The following HEMK2 variants were observed in gnomAD, a reference collection of about 807,000 sequenced individuals.
HEMK2 encodes HemK methyltransferase 2, ETF1 glutamine and histone H4 lysine, also known as methyltransferase HEMK2.
chr21:28,650,583 A>C, the HEMK2 span, among the ~76,000 whole-genome samples: 8 of 152,102 alleles, frequency 5.3e-5, no homozygotes, highest in Non-Finnish European at 1.2e-4. Context: ...CAAATTGGGC[A>C]ATGGGGGAAT....
chr21:28,747,175 G>A, the HEMK2 span, among the ~76,000 whole-genome samples: 1 of 152,178 alleles, frequency 6.6e-6, no homozygotes, highest in South Asian at 2.1e-4. Flanking sequence ...TGAACTGAAA[G>A]TCATACTTAG....
chr21:28,735,823 C>T, the HEMK2 span, among the ~76,000 whole-genome samples: 1 of 152,164 alleles, frequency 6.6e-6, no homozygotes, highest in Non-Finnish European at 1.5e-5. Context: ...ATCTCTTTTG[C>T]TATATAACAT....
At chr21:28,691,710 T>TTAC in the HEMK2 span, among the ~76,000 whole-genome samples, 84,337 of 151,784 alleles carry the variant, frequency 0.56, 26,079 homozygotes, top group East Asian at 0.84. Context: ...GATAGTGATG[T>TTAC]TACGATTCAA....
At chr21:28,679,649 A>G in the HEMK2 span, among the ~76,000 whole-genome samples, 1 of 152,250 alleles carries the variant, frequency 6.6e-6, no homozygotes, top group South Asian at 2.1e-4. Context: ...CATAGTTGGA[A>G]GCAAAGCACT....
chr21:28,844,045 C>T, the HEMK2 span, among the ~76,000 whole-genome samples: 1 of 151,930 alleles, frequency 6.6e-6, no homozygotes, highest in African/African-American at 2.4e-5. Context: ...TATATAATAC[C>T]TACTTCCAAT....
chr21:28,711,981 G>C, the HEMK2 span, among the ~76,000 whole-genome samples: 757 of 152,166 alleles, frequency 5.0e-3, 6 homozygotes, highest in African/African-American at 0.017. Flanking sequence ...CATTCCTGAG[G>C]GCTCCACTCT....
the HEMK2 span, among the ~76,000 whole-genome samples, chr21:28,807,617 A>G: frequency 1.3e-5 from 2 of 152,192 alleles, no homozygotes; most frequent in African/African-American, 4.8e-5. Flanking sequence ...TGATAAGGGA[A>G]TGTGGCCTTG....
At chr21:28,602,920 T>G in the HEMK2 span, among the ~76,000 whole-genome samples, 1 of 152,208 alleles carries the variant, frequency 6.6e-6, no homozygotes, top group Non-Finnish European at 1.5e-5. Flanking sequence ...TGTATCCCTT[T>G]TGCCATTTCT....
the HEMK2 span, among the ~76,000 whole-genome samples, chr21:28,831,874 T>C: frequency 6.6e-6 from 1 of 152,194 alleles, no homozygotes; most frequent in African/African-American, 2.4e-5. Flanking sequence ...TCATTTTTAC[T>C]ATACGTACAC....
the HEMK2 span, among the ~76,000 whole-genome samples, chr21:28,603,595 T>TGTGTGTG: frequency 3.4e-5 from 2 of 58,170 alleles, no homozygotes; most frequent in African/African-American, 6.4e-5. Flanking sequence ...GTGTGTGTGT[T>TGTGTGTG]TTAGGTTGCA....
At chr21:28,843,369 T>C in the HEMK2 span, among the ~76,000 whole-genome samples, 1 of 152,088 alleles carries the variant, frequency 6.6e-6, no homozygotes, top group Non-Finnish European at 1.5e-5. Flanking sequence ...TAGAACAGCA[T>C]GGGGGAAACA....
At chr21:28,737,667 C>T in the HEMK2 span, among the ~76,000 whole-genome samples, 4 of 151,884 alleles carry the variant, frequency 2.6e-5, no homozygotes, top group African/African-American at 9.7e-5. Context: ...ACCAAGCTTA[C>T]GATGAAAATT....
the HEMK2 span, chr21:28,878,101 G>C: frequency 8.8e-7 from 1 of 1,136,492 alleles, no homozygotes; most frequent in Non-Finnish European, 1.2e-6. Flanking sequence ...TCATTAACAT[G>C]CCAGGTTATC....
At chr21:28,794,812 G>A in the HEMK2 span, among the ~76,000 whole-genome samples, 1 of 152,162 alleles carries the variant, frequency 6.6e-6, no homozygotes, top group South Asian at 2.1e-4. Flanking sequence ...CTTTCCTAGG[G>A]AACTGGGGGT....
the HEMK2 span, among the ~76,000 whole-genome samples, chr21:28,718,145 T>C: frequency 3.3e-5 from 5 of 152,216 alleles, no homozygotes; most frequent in Non-Finnish European, 7.3e-5. Flanking sequence ...ATTTCAAAAA[T>C]TGTTTTGATT....
chr21:28,831,620 AAGGAAAGAAGGAAGGAAAGAAAGAAAG>A, the HEMK2 span, among the ~76,000 whole-genome samples: 4 of 91,710 alleles, frequency 4.4e-5, no homozygotes, highest in East Asian at 4.4e-4. Flanking sequence ...AGAAGGAAAG[AAGGAAAGAAGGAAGGAAAGAAAGAAAG>A]AAAGAAAGAA....
chr21:28,870,407 CT>C, the HEMK2 span, among the ~76,000 whole-genome samples: 3 of 149,794 alleles, frequency 2.0e-5, no homozygotes, highest in Non-Finnish European at 1.5e-5. Flanking sequence ...AATGTCATTT[CT>C]TTTTTTTTTG....
chr21:28,780,308 G>T, the HEMK2 span, among the ~76,000 whole-genome samples: 5 of 152,234 alleles, frequency 3.3e-5, no homozygotes, highest in African/African-American at 1.2e-4. Flanking sequence ...CTTCCAAGTA[G>T]CTGTGACTAC....
chr21:28,722,199 C>T, the HEMK2 span, among the ~76,000 whole-genome samples: 5 of 149,608 alleles, frequency 3.3e-5, no homozygotes, highest in South Asian at 2.1e-4. Flanking sequence ...AAAAATATAC[C>T]GATTTTACTG....
Sources: allele counts gnomAD v4.1 joint callset (sites outside exome capture counted in the v4.1 genomes callset), GRCh38; gene constraint gnomAD v4.1.1; transcripts MANE v1.5; gene names NCBI Gene and HGNC (gene_info 2026-07-23, HGNC 2026-07-21).